TBX10: variants seen among roughly 807,000 people sequenced by gnomAD.
The protein encoded by TBX10 is T-box transcription factor 10, also known as T-box transcription factor TBX10.
In TBX10, 26 loss-of-function variants were observed where a neutral mutation model predicts 32.4. That is an observed-to-expected ratio of 0.80 (90% CI 0.59 to 1.11). The LOEUF is 1.11. Among genes scored for constraint, TBX10 ranks in the 50% most tolerant of loss-of-function variants. The pLI is 0.00. For missense variants in TBX10, 490 were observed against 494.5 expected (o/e 0.99, Z 0.09); for synonymous variants, 195 against 203.1 (o/e 0.96, Z 0.34).
At chr11:67,633,828 C>A (rs117624050) in intron 4 of TBX10, among the ~76,000 whole-genome samples, 4,833 of 152,268 alleles carry the variant, frequency 0.032, 107 homozygotes, top group Non-Finnish European at 0.052. Flanking sequence ...CTGCCTTTGC[C>A]CCAGGAAGTG....
Position 67,631,587 on chromosome 11 carries a change from C to T in TBX10, c.*18G>A, listed in dbSNP as rs774829938. 5 of 1,584,078 alleles carry T rather than the reference C, an allele frequency of 3.2e-6. No homozygotes were observed. The highest frequency in any genetic ancestry group is 2.3e-5 in the East Asian group (1 of 44,236). ...GTAAGGTCCAGGGTAGCAGGGCTTCCCCCCAGGGCTTCTGGCATCACTGGG... is the reference window on the plus strand; with the variant it reads ...GTAAGGTCCAGGGTAGCAGGGCTTCTCCCCAGGGCTTCTGGCATCACTGGG... On this transcript the variant is annotated 3_prime_UTR_variant, in exon 8 of 8. Coordinates refer to ENST00000335385, the MANE Select transcript of TBX10 (RefSeq NM_005995.5).
upstream of TBX10, among the ~76,000 whole-genome samples, chr11:67,641,394 C>G (rs1855403901): frequency 6.6e-6 from 1 of 152,230 alleles, no homozygotes; most frequent in Admixed American, 6.5e-5. Context: ...CTTCTGTGCA[C>G]ATGGACTTAC....
In TBX10 at chr11:67,632,376, G is replaced by T; in HGVS notation, c.810C>A (p.Ala270=). The T allele has an allele frequency of 6.2e-7, 1 of 1,613,166 alleles. No homozygotes were observed. The highest frequency in any genetic ancestry group is 1.6e-4 in the Middle Eastern group (1 of 6,062). Residue 270 remains alanine, a synonymous_variant, in exon 7 of 8, where the codon GCC becomes GCA. Coordinates refer to ENST00000335385, the MANE Select transcript of TBX10 (RefSeq NM_005995.5). The part of the protein sequence containing the change: ...VAPRPLLSVP[A]RSHSSLSPCV... ...AGGGACTGAGGCTGCTGTGACTCCGGGCTGGGACACTGAGCAGGGGCCGTG... is the reference window on the plus strand; with the variant it reads ...AGGGACTGAGGCTGCTGTGACTCCGTGCTGGGACACTGAGCAGGGGCCGTG...
rs200164679 is a variant in TBX10 at position 67,639,568 on chromosome 11, G to A, written c.-96C>T. The A allele has an allele frequency of 5.9e-6, 9 of 1,537,618 alleles. No homozygotes were observed. The South Asian group carries it at 9.2e-5, about 16-fold the overall frequency. ...GGGGTGGTCACCACTCGTCCACTCG[G>A]CACCTCAGCTCAGCCCTCAGGTGCT... On this transcript the variant is annotated 5_prime_UTR_variant, in exon 1 of 8. Coordinates refer to ENST00000335385, the MANE Select transcript of TBX10 (RefSeq NM_005995.5).
intron 1 of TBX10, 128 bp from the exon 2 acceptor site, chr11:67,635,391 T>A (rs752145605): frequency 1.8e-5 from 24 of 1,336,190 alleles, no homozygotes; most frequent in Non-Finnish European, 2.3e-5. Context: ...TCTCACAGGA[T>A]CCCCCACTCA....
At chr11:67,636,769 G>T (rs987253346) in intron 1 of TBX10, among the ~76,000 whole-genome samples, 1 of 151,616 alleles carries the variant, frequency 6.6e-6, no homozygotes, top group Non-Finnish European at 1.5e-5. Flanking sequence ...AAGTGCTGGG[G>T]TTACAGGCGT....
chr11:67,637,302 C>T (rs184854572), intron 1 of TBX10, among the ~76,000 whole-genome samples: 3 of 152,300 alleles, frequency 2.0e-5, no homozygotes, highest in Admixed American at 6.5e-5. Flanking sequence ...GCTTGTTTTC[C>T]GGTGCCGTAA....
intron 1 of TBX10, among the ~76,000 whole-genome samples, chr11:67,637,032 T>C (rs1365123628): frequency 6.6e-6 from 1 of 152,224 alleles, no homozygotes; most frequent in East Asian, 1.9e-4. Flanking sequence ...TGACACATGC[T>C]GCAACATGGA....
rs1355661364 is a variant in TBX10, at chr11:67,632,687, G to A, written c.706-17C>T. The A allele has an allele frequency of 1.2e-6, 2 of 1,613,794 alleles. No homozygotes were observed. The highest frequency in any genetic ancestry group is 1.7e-6 in the Non-Finnish European group (2 of 1,179,932). On this transcript the variant is annotated splice_polypyrimidine_tract_variant and intron_variant, in intron 5 of 7. Coordinates refer to ENST00000335385, the MANE Select transcript of TBX10 (RefSeq NM_005995.5). ...CTGGGTGATCTGCAGGAGACAAAGT[G>A]CAGTTGTGGGCTGGCCATGAGCCAG...
Position 67,635,106 on chromosome 11 carries a change from C to T in TBX10, c.165G>A (p.Gln55=), listed in dbSNP as rs1226687209. ...TGGACACACGTGGGTTCTTGGGGCCCTGCCCAGTGGGCTCGGCCACAGCTT... is the reference window on the plus strand; with the variant it reads ...TGGACACACGTGGGTTCTTGGGGCCTTGCCCAGTGGGCTCGGCCACAGCTT... ...GAQAVAEPTG[Q]GPKNPRVSRV... is the part of the protein sequence containing the mutation. Residue 55 remains glutamine (Q), a synonymous_variant, in exon 2 of 8, where the codon CAG becomes CAA. Transcript: ENST00000335385. 1.2e-6 allele frequency: 2 copies of T among 1,613,862 alleles called. No individual in the cohort carries two copies. The highest frequency in any genetic ancestry group is 2.2e-5 in the East Asian group (1 of 44,890).
rs547142334 is a variant in TBX10, at chr11:67,634,556, A to G, written c.378-196T>C. 2.0e-5 allele frequency among the ~76,000 whole-genome samples: 3 copies of G among 152,316 alleles called. No individual in the cohort carries two copies. In the East Asian group the frequency reaches 5.8e-4, roughly 29 times the overall value. ...TGGCTGCACCTGGCTGGTGGATGACAGGATAACCCCTGCTGCCCTGGGCTA... is the reference window on the plus strand; with the variant it reads ...TGGCTGCACCTGGCTGGTGGATGACGGGATAACCCCTGCTGCCCTGGGCTA... On this transcript the variant is annotated intron_variant, in intron 3 of 7. Coordinates refer to ENST00000335385, the MANE Select transcript of TBX10 (RefSeq NM_005995.5).
chr11:67,634,394 C>A, intron 3 of TBX10, 34 bp from the exon 4 acceptor site: 1 of 1,598,314 alleles, frequency 6.3e-7, no homozygotes, highest in Non-Finnish European at 8.5e-7. Context: ...AGGGCTTCCC[C>A]AACCAGAGTC....
Position 67,635,275 on chromosome 11 carries a change from G to C in TBX10, c.8-12C>G, listed in dbSNP as rs1393921206. 5.6e-6 allele frequency: 9 copies of C among 1,612,828 alleles called. No individual in the cohort carries two copies. Among genetic ancestry groups the C allele is most frequent in the Non-Finnish European group, 7.6e-6 (9 of 1,179,998 alleles). On this transcript the variant is annotated splice_polypyrimidine_tract_variant and intron_variant, in intron 1 of 7. Transcript: ENST00000335385. ...AGCAGATAGGAAGGCTGTGGAGAGA[G>C]GACGGAAGTGTGGGCCCCACGCATC...
chr11:67,637,044 G>A (rs1442712840), intron 1 of TBX10, among the ~76,000 whole-genome samples: 1 of 152,202 alleles, frequency 6.6e-6, no homozygotes, highest in Non-Finnish European at 1.5e-5. Flanking sequence ...CAACATGGAT[G>A]AGTCCTGAAG....
Position 67,636,894 on chromosome 11 carries a change from T to TA in TBX10, c.8-1632dup, listed in dbSNP as rs1855340074. On this transcript the variant is annotated intron_variant, in intron 1 of 7. Transcript: ENST00000335385. ...ACAGATATTTGCACACCCATGTTCT[T>TA]ATGAGCATTATTCACAATAGCTGAG... 1.3e-5 allele frequency among the ~76,000 whole-genome samples: 2 copies of TA among 152,210 alleles called. 1 individual carries two copies. The highest frequency in any genetic ancestry group is 4.1e-4 in the South Asian group (2 of 4,828).
At chr11:67,640,576 T>A (rs991689514), upstream of TBX10, among the ~76,000 whole-genome samples, 1 of 152,220 alleles carries the variant, frequency 6.6e-6, no homozygotes, top group Non-Finnish European at 1.5e-5. Context: ...AGGGGACACA[T>A]GGATCACTCT....
At chr11:67,635,372 G>A in intron 1 of TBX10, 109 bp from the exon 2 acceptor site, 1 of 1,498,420 alleles carries the variant, frequency 6.7e-7, no homozygotes, top group Non-Finnish European at 9.1e-7. Flanking sequence ...CTGACTGCCA[G>A]GGCTGTGTTC....
chr11:67,633,016 C>T lies in TBX10; in HGVS notation c.637G>A (p.Glu213Lys). The change falls in exon 5 of 8, where the codon GAG becomes AAG. Residue 213 changes from glutamate (E) to lysine (K), a missense_variant. Physicochemically the swap from Glu to Lys is moderately conservative, Grantham distance 56. Coordinates refer to ENST00000335385, the MANE Select transcript of TBX10 (RefSeq NM_005995.5). ...GTGAAGATGAAGGACTTGAAGTTCTCCTGGGCATAGCGCTCACTGTCCTTG... is the reference window on the plus strand; with the variant it reads ...GTGAAGATGAAGGACTTGAAGTTCTTCTGGGCATAGCGCTCACTGTCCTTG... ...PRKDSERYAQ[E>K]NFKSFIFTET... is the part of the protein sequence containing the mutation. 1 of 1,614,186 alleles carries T rather than the reference C, an allele frequency of 6.2e-7. No individual in the cohort carries two copies. Among genetic ancestry groups the T allele is most frequent in the Non-Finnish European group, 8.5e-7 (1 of 1,180,016 alleles).
chr11:67,634,209 G>C lies in TBX10; in HGVS notation c.529C>G (p.Leu177Val). ...SFDKLKLTNNLLDDNGHIILN... is the reference protein window; with the variant it reads ...SFDKLKLTNNVLDDNGHIILN... ...CTCACGTGGCCATTGTCATCCAGCA[G>C]GTTGTTGGTCAGCTTGAGCTTGTCA... is the stretch of plus-strand genomic sequence containing the variant. The change falls in exon 4 of 8, where the codon CTG (leucine) becomes GTG (valine). Residue 177 changes from leucine (L) to valine (V), a missense_variant. Physicochemically the swap from Leu to Val is conservative, Grantham distance 32. This residue lies in a region of TBX10 where 307 missense variants were observed against 294.9 expected (regional missense o/e 1.04). Transcript: ENST00000335385. 1 of 1,613,194 alleles carries C rather than the reference G, an allele frequency of 6.2e-7. No homozygotes were observed. Among genetic ancestry groups the C allele is most frequent in the Non-Finnish European group, 8.5e-7 (1 of 1,179,974 alleles).
Sources: allele counts gnomAD v4.1 joint callset (sites outside exome capture counted in the v4.1 genomes callset), GRCh38; gene constraint gnomAD v4.1.1; regional missense constraint gnomAD v4.1.1; transcripts MANE v1.5; gene names NCBI Gene and HGNC (gene_info 2026-07-23, HGNC 2026-07-21).